The following DYNLT2 variants were observed in gnomAD, a reference collection of about 807,000 sequenced individuals.
DYNLT2 encodes dynein light chain Tctex-type 2.
In DYNLT2, 24 loss-of-function variants were observed where a neutral mutation model predicts 24.3. That is an observed-to-expected ratio of 0.99 (90% CI 0.71 to 1.39). The LOEUF (loss-of-function observed/expected upper bound fraction) is 1.39, where lower values mean the gene tolerates loss of function less well. Among genes scored for constraint, DYNLT2 ranks in the 40% most tolerant of loss-of-function variants. The pLI is 0.00. For missense variants in DYNLT2, 246 were observed against 234.5 expected (o/e 1.05, Z -0.32); for synonymous variants, 85 against 85.4 (o/e 1.00, Z 0.03).
chr6:169,744,361 T>A, intron 1 of DYNLT2, 87 bp from the exon 2 acceptor site: 1 of 1,131,714 alleles, frequency 8.8e-7, no homozygotes, highest in Non-Finnish European at 1.3e-6. Context: ...AATAAGCCTG[T>A]ACAGTGGGAC....
chr6:169,751,312 C>G, intron 1 of DYNLT2, 27 bp downstream of exon 1: 1 of 1,605,000 alleles, frequency 6.2e-7, no homozygotes, highest in Non-Finnish European at 8.5e-7. Context: ...ATAGCCGTCT[C>G]GGGCCCCTAG....
the DYNLT2 span, among the ~76,000 whole-genome samples, chr6:169,727,974 G>A: frequency 0.39 from 59,731 of 152,056 alleles, 13,630 homozygotes; most frequent in East Asian, 0.94. Context: ...GAGGAAGAAG[G>A]AGGTGTGTCA....
At chr6:169,751,257 G>C (rs1007334390) in intron 1 of DYNLT2, 82 bp downstream of exon 1, 11 of 1,527,406 alleles carry the variant, frequency 7.2e-6, no homozygotes, top group East Asian at 2.3e-5. Flanking sequence ...GGGTGGTGAC[G>C]GGAGCGGGGC....
At chr6:169,727,519 G>A in the DYNLT2 span, among the ~76,000 whole-genome samples, 7 of 152,038 alleles carry the variant, frequency 4.6e-5, no homozygotes, top group African/African-American at 7.2e-5. Flanking sequence ...GAAGGTGGTC[G>A]CAGCTGCAAG....
At position 169,740,277 on chromosome 6, in the gene DYNLT2, A is replaced by C; in HGVS notation, c.505T>G (p.Trp169Gly). The C allele has an allele frequency of 6.2e-7, 1 of 1,613,658 alleles. No homozygotes were observed. Residue 169 changes from tryptophan to glycine, a missense_variant, in exon 4 of 4, where the codon TGG becomes GGG. Physicochemically the swap from Trp to Gly is radical, Grantham distance 184 (BLOSUM62 -2). Transcript: ENST00000366774. Reference sequence around the variant, plus strand: ...ACCCAGCTGTCCCATGCAATGTCCCAGATCCATCTGCTGGCAATCTGTGAG... The same window carrying C: ...ACCCAGCTGTCCCATGCAATGTCCCCGATCCATCTGCTGGCAATCTGTGAG... ...QAINIASRWI[W>G]DIAWDSWVAA...
Position 169,745,932 on chromosome 6 carries a change from G to T in DYNLT2, c.121-1658C>A, listed in dbSNP as rs564690812. Among the ~76,000 whole-genome samples, 246 of 152,230 alleles carry T rather than the reference G, an allele frequency of 1.6e-3. 1 individual carries two copies. The highest frequency in any genetic ancestry group is 3.0e-3 in the Non-Finnish European group (202 of 68,004). On this transcript the variant is annotated intron_variant, in intron 1 of 3. Coordinates refer to ENST00000366774, the MANE Select transcript of DYNLT2 (RefSeq NM_174910.3). ...ATTTCTGCTTTGGAAGGCTGTTATT[G>T]ATTCAAGTTTTAAAAACAGATATAT... is the stretch of plus-strand genomic sequence containing the variant.
downstream of DYNLT2, among the ~76,000 whole-genome samples, chr6:169,739,526 T>C (rs1215916757): frequency 6.6e-6 from 1 of 152,140 alleles, no homozygotes; most frequent in Non-Finnish European, 1.5e-5. Flanking sequence ...GGATCCTTGA[T>C]CAAATCCCTG....
intron 1 of DYNLT2, among the ~76,000 whole-genome samples, chr6:169,745,317 T>G (rs1050914165): frequency 1.4e-4 from 21 of 152,152 alleles, no homozygotes; most frequent in African/African-American, 5.1e-4. Context: ...TTAGCCAGTA[T>G]GGTCTTGATC....
chr6:169,733,506 C>A, the DYNLT2 span, among the ~76,000 whole-genome samples: 1 of 152,158 alleles, frequency 6.6e-6, no homozygotes, highest in African/African-American at 2.4e-5. Flanking sequence ...CTGCATATGG[C>A]TAGCCAGTTT....
the DYNLT2 span, among the ~76,000 whole-genome samples, chr6:169,728,305 T>G: frequency 6.6e-6 from 1 of 152,136 alleles, no homozygotes; most frequent in Non-Finnish European, 1.5e-5. Context: ...TTCAATAAGA[T>G]TAGAGAATGG....
intron 1 of DYNLT2, chr6:169,751,061 T>C: frequency 2.8e-6 from 1 of 360,204 alleles, no homozygotes; most frequent in Non-Finnish European, 5.0e-6. Context: ...GCTGAGTAAA[T>C]TTGAAAAGAA....
At chr6:169,744,035 C>A in intron 2 of DYNLT2, 33 bp downstream of exon 2, 1 of 1,587,106 alleles carries the variant, frequency 6.3e-7, no homozygotes, top group Non-Finnish European at 8.6e-7. Flanking sequence ...AACCCTCATA[C>A]AATACTGCTA....
Position 169,751,370 on chromosome 6 carries a change from T to C in DYNLT2, c.89A>G (p.Glu30Gly). ...CTTCTCGAACATGCTAGGCCTCCTT[T>C]CTTTCCTAGGCGTCACCGGAGCCTG... is the stretch of plus-strand genomic sequence containing the variant. ...PQQAPVTPRK[E>G]RRPSMFEKEA... The change falls in exon 1 of 4, where the codon GAA becomes GGA. Residue 30 changes from glutamate (E) to glycine (G), a missense_variant. Transcript: ENST00000366774. 1 of 1,614,090 alleles carries C rather than the reference T, an allele frequency of 6.2e-7. No individual in the cohort carries two copies. The highest frequency in any genetic ancestry group is 1.1e-5 in the South Asian group (1 of 91,084).
Position 169,740,109 on chromosome 6 carries a change from T to A in DYNLT2, c.*76A>T, listed in dbSNP as rs557127049. On this transcript the variant is annotated 3_prime_UTR_variant, in exon 4 of 4. Coordinates refer to ENST00000366774, the MANE Select transcript of DYNLT2 (RefSeq NM_174910.3). ...AGAATATAGCAAATCAGAAATATTA[T>A]GAGGTTTACAAATATGTAAATTTCA... 3 of 936,330 alleles carry A rather than the reference T, an allele frequency of 3.2e-6. No homozygotes were observed. The highest frequency in any genetic ancestry group is 1.6e-5 in the African/African-American group (1 of 60,662). The allele number at this position is 936,330 out of a possible 1,614,324, so 58.0% of individuals were successfully genotyped here.
intron 3 of DYNLT2, among the ~76,000 whole-genome samples, chr6:169,742,470 C>T (rs918979718): frequency 6.6e-6 from 1 of 152,132 alleles, no homozygotes; most frequent in Non-Finnish European, 1.5e-5. Flanking sequence ...TCCTTAGTAC[C>T]TAACACCTAT....
intron 2 of DYNLT2, 128 bp downstream of exon 2, chr6:169,743,940 C>T (rs549973656): frequency 2.4e-4 from 210 of 860,656 alleles, no homozygotes; most frequent in Admixed American, 1.9e-3. Context: ...ACCAATGACA[C>T]AATACCTTCT....
In DYNLT2 at chr6:169,748,683, A is replaced by G. The variant is rs191212097; in HGVS notation, c.120+2656T>C. On this transcript the variant is annotated intron_variant, in intron 1 of 3. Transcript: ENST00000366774. ...ATGCTTCTCTAAGGCAGTGATTGGG[A>G]CCTTCCTTTCCTCCACAATATACTC... 2.6e-3 allele frequency among the ~76,000 whole-genome samples: 399 copies of G among 152,218 alleles called. 3 individuals are homozygous for G. The highest frequency in any genetic ancestry group is 9.1e-3 in the African/African-American group (377 of 41,504).
chr6:169,728,800 C>A, the DYNLT2 span, among the ~76,000 whole-genome samples: 1 of 152,170 alleles, frequency 6.6e-6, no homozygotes. Flanking sequence ...TGCCTCTTCT[C>A]ATACTATTAA....
the DYNLT2 span, among the ~76,000 whole-genome samples, chr6:169,729,103 C>T: frequency 1.3e-5 from 2 of 152,114 alleles, no homozygotes; most frequent in Non-Finnish European, 2.9e-5. Context: ...AACACTTCAC[C>T]CGAATGCTAG....
Sources: gnomAD v4.1 joint callset for allele counts (sites outside exome capture counted in the v4.1 genomes callset) on GRCh38, gnomAD v4.1.1 for gene constraint, MANE v1.5 for transcripts, NCBI Gene and HGNC (gene_info 2026-07-23, HGNC 2026-07-21) for gene names.